Variants in RSU1 observed in about 807,000 individuals in gnomAD.
RSU1 encodes the protein Ras suppressor protein 1.
RSU1 carries 26 observed loss-of-function variants against 31.1 expected under a neutral mutation model. The ratio of observed to expected loss-of-function variants is 0.84; its 90% confidence interval spans 0.61 to 1.16. The LOEUF (loss-of-function observed/expected upper bound fraction) is 1.16. Among genes scored for constraint, RSU1 ranks in the 50% most tolerant of loss-of-function variants. RSU1 has a pLI of 0.00. For synonymous variants in RSU1, 164 were observed against 136.3 expected, an observed-to-expected ratio of 1.20 and a Z score of -1.41; for missense variants, 320 against 339.1, an observed-to-expected ratio of 0.94 and a Z score of 0.44.
Position 16,672,392 on chromosome 10 carries a change from G to C in RSU1, c.731+22631C>G, listed in dbSNP as rs74228735. Among the ~76,000 whole-genome samples, 1,042 of 152,252 alleles carry C rather than the reference G, an allele frequency of 6.8e-3. 16 individuals are homozygous for C. The highest frequency in any genetic ancestry group is 0.062 in the East Asian group (318 of 5,168). On this transcript the variant is annotated intron_variant, in intron 8 of 8. Transcript: ENST00000345264. ...TTACCCAAGAGAAACAATAGCACAT[G>C]TTCAACAAAAGACTTTTACACAAAA...
chr10:16,615,426 A>G (rs886483359), intron 8 of RSU1, among the ~76,000 whole-genome samples: 1 of 152,176 alleles, frequency 6.6e-6, no homozygotes, highest in African/African-American at 2.4e-5. Flanking sequence ...CTCCCACACA[A>G]TAGTAGTGGG....
intron 8 of RSU1, among the ~76,000 whole-genome samples, chr10:16,664,221 C>G (rs1027324715): frequency 6.6e-6 from 1 of 152,158 alleles, no homozygotes; most frequent in Non-Finnish European, 1.5e-5. Context: ...AGGGAAATTA[C>G]AGATCACTCC....
At chr10:16,764,987 G>A (rs193287810) in intron 3 of RSU1, among the ~76,000 whole-genome samples, 9 of 150,240 alleles carry the variant, frequency 6.0e-5, no homozygotes, top group South Asian at 2.1e-4. Flanking sequence ...ATGGCTAATG[G>A]GGGGGGAGAA....
At chr10:16,657,594 C>T (rs915619587) in intron 8 of RSU1, among the ~76,000 whole-genome samples, 166 of 151,090 alleles carry the variant, frequency 1.1e-3, no homozygotes, top group Non-Finnish European at 1.5e-3. Context: ...TGTTTGTTTG[C>T]ATAGACAGAC....
At chr10:16,692,515 A>G (rs12571517) in intron 8 of RSU1, among the ~76,000 whole-genome samples, 1,649 of 152,308 alleles carry the variant, frequency 0.011, 47 homozygotes, top group East Asian at 0.1. Context: ...TCTGTATACT[A>G]TCATATACAG....
intron 8 of RSU1, among the ~76,000 whole-genome samples, chr10:16,600,074 G>T (rs753674131): frequency 4.6e-5 from 7 of 152,168 alleles, no homozygotes; most frequent in Non-Finnish European, 8.8e-5. Context: ...ACGAGAAACC[G>T]CACTCTGAAG....
intron 4 of RSU1, among the ~76,000 whole-genome samples, chr10:16,758,436 C>G (rs1159336753): frequency 6.6e-6 from 1 of 152,190 alleles, no homozygotes; most frequent in Non-Finnish European, 1.5e-5. Flanking sequence ...TCTGACACTG[C>G]TAGCAATCAA....
At chr10:16,636,663 G>A (rs908769114) in intron 8 of RSU1, among the ~76,000 whole-genome samples, 3 of 152,100 alleles carry the variant, frequency 2.0e-5, no homozygotes, top group Non-Finnish European at 4.4e-5. Flanking sequence ...CCTTCAAATG[G>A]TGCAGGAGAC....
intron 8 of RSU1, among the ~76,000 whole-genome samples, chr10:16,631,968 C>A (rs530657091): frequency 1.3e-5 from 2 of 152,256 alleles, no homozygotes; most frequent in South Asian, 4.2e-4. Flanking sequence ...CTGGAAGAGT[C>A]CGTAGAGTCC....
intron 7 of RSU1, among the ~76,000 whole-genome samples, chr10:16,740,185 T>A (rs1481926223): frequency 6.6e-6 from 1 of 152,018 alleles, no homozygotes; most frequent in Admixed American, 6.6e-5. Context: ...ATATCCCTCA[T>A]GAACGTGGAA....
intron 8 of RSU1, among the ~76,000 whole-genome samples, chr10:16,609,696 T>C (rs1051987435): frequency 6.6e-6 from 1 of 152,234 alleles, no homozygotes; most frequent in African/African-American, 2.4e-5. Flanking sequence ...AATATTCTCA[T>C]GGAAAAGTAT....
At chr10:16,626,109 G>C (rs1485007348) in intron 8 of RSU1, among the ~76,000 whole-genome samples, 2 of 150,880 alleles carry the variant, frequency 1.3e-5, no homozygotes, top group Non-Finnish European at 3.0e-5. Flanking sequence ...CCAATGATGC[G>C]ATCAGGACTC....
At chr10:16,595,937 C>A (rs531622864) in intron 8 of RSU1, among the ~76,000 whole-genome samples, 2 of 152,080 alleles carry the variant, frequency 1.3e-5, no homozygotes, top group African/African-American at 4.8e-5. Context: ...CCACTGCACT[C>A]CAGCCTGGCA....
At chr10:16,725,479 T>C (rs1317750889) in intron 7 of RSU1, among the ~76,000 whole-genome samples, 1 of 152,162 alleles carries the variant, frequency 6.6e-6, no homozygotes, top group Non-Finnish European at 1.5e-5. Context: ...TCAAACTTAA[T>C]TATCAACGAA....
intron 7 of RSU1, among the ~76,000 whole-genome samples, chr10:16,712,574 T>C (rs187715135): frequency 6.6e-6 from 1 of 152,296 alleles, no homozygotes; most frequent in Admixed American, 6.5e-5. Flanking sequence ...CTGATAGCAA[T>C]TTAAATCTGG....
intron 7 of RSU1, among the ~76,000 whole-genome samples, chr10:16,710,057 T>C (rs897780174): frequency 6.6e-6 from 1 of 152,194 alleles, no homozygotes; most frequent in Non-Finnish European, 1.5e-5. Context: ...AGTACTATGT[T>C]GAACAGAAGT....
chr10:16,684,612 C>G (rs1199636808), intron 8 of RSU1, among the ~76,000 whole-genome samples: 2 of 152,138 alleles, frequency 1.3e-5, no homozygotes, highest in African/African-American at 4.8e-5. Context: ...CTTAGACAAA[C>G]CCTTCCCTAA....
rs1833513834 is a variant in RSU1 at position 16,591,998 on chromosome 10, C to T, written c.*1396G>A. The T allele has an allele frequency of 6.6e-6, 1 of 152,248 alleles. No homozygotes were observed. The highest frequency in any genetic ancestry group is 2.4e-5 in the African/African-American group (1 of 41,466). 9.4% of individuals were successfully genotyped at this position (152,248 alleles called of 1,614,324 possible). On this transcript the variant is annotated 3_prime_UTR_variant, in exon 9 of 9. Transcript: ENST00000345264. Reference sequence around the variant, plus strand: ...AGAAGCCAGAAGTTTAGACCTTGCTCTGTGGCCTCTCTGATTGAAATGCGA... The same window carrying T: ...AGAAGCCAGAAGTTTAGACCTTGCTTTGTGGCCTCTCTGATTGAAATGCGA...
chr10:16,712,501 C>T (rs1470353656), intron 7 of RSU1, among the ~76,000 whole-genome samples: 1 of 151,948 alleles, frequency 6.6e-6, no homozygotes, highest in Non-Finnish European at 1.5e-5. Context: ...GTCGTAATTT[C>T]TTTCTTTGTG....
Sources: gnomAD v4.1 joint callset for allele counts (sites outside exome capture counted in the v4.1 genomes callset) on GRCh38, gnomAD v4.1.1 for gene constraint, MANE v1.5 for transcripts, NCBI Gene and HGNC (gene_info 2026-07-23, HGNC 2026-07-21) for gene names.